The following ITGAV variants were observed in gnomAD, a reference collection of about 807,000 sequenced individuals.
ITGAV encodes the protein integrin alpha-V.
In ITGAV, 76 loss-of-function variants were observed where a neutral mutation model predicts 143.8. The ratio of observed to expected loss-of-function variants is 0.53; its 90% CI spans 0.44 to 0.64. ITGAV has a LOEUF of 0.64. Among genes scored for constraint, ITGAV ranks in the 30% least tolerant of loss-of-function variants. The pLI is 0.00. For missense variants in ITGAV, 1,193 were observed against 1,274.7 expected (o/e 0.94, Z 0.98); for synonymous variants, 453 against 446.7 (o/e 1.01, Z -0.18).
intron 13 of ITGAV, 58 bp from the exon 14 acceptor site, chr2:186,649,782 G>T: frequency 1.8e-6 from 2 of 1,129,796 alleles, no homozygotes; most frequent in Non-Finnish European, 1.3e-6. Context: ...TTATAGAATG[G>T]TATATACATT....
In ITGAV at chr2:186,665,116, TC is replaced by T. The variant is rs1688853937; in HGVS notation, c.2074-9del. ...TATCCATTTTTTTTTTTTTTTTTGGTCTATCAAAGGCCTTAGCAAGACTTTC... is the reference window on the plus strand; with the variant it reads ...TATCCATTTTTTTTTTTTTTTTTGGTTATCAAAGGCCTTAGCAAGACTTTC... On this transcript the variant is annotated splice_polypyrimidine_tract_variant and intron_variant, in intron 20 of 29. Transcript: ENST00000261023. The T allele has an allele frequency of 6.9e-7, 1 of 1,451,086 alleles. No homozygotes were observed. Among genetic ancestry groups the T allele is most frequent in the Admixed American group, 2.0e-5 (1 of 50,318 alleles). 89.9% of individuals were successfully genotyped at this position (1,451,086 alleles called of 1,614,324 possible).
chr2:186,638,156 A>C, intron 8 of ITGAV, 121 bp from the exon 9 acceptor site: 5 of 801,634 alleles, frequency 6.2e-6, no homozygotes, highest in Non-Finnish European at 1.0e-5. Flanking sequence ...ATTTTTCTAA[A>C]TTGATTGTTT....
intron 24 of ITGAV, 110 bp downstream of exon 24, chr2:186,667,886 A>C (rs1045571499): frequency 5.8e-6 from 3 of 520,570 alleles, no homozygotes; most frequent in Admixed American, 3.2e-5. Context: ...TAAACTCTAC[A>C]TTGGTTAAGT....
chr2:186,607,157 G>A (rs1465987137), intron 2 of ITGAV, among the ~76,000 whole-genome samples: 2 of 152,016 alleles, frequency 1.3e-5, no homozygotes, highest in South Asian at 2.1e-4. Flanking sequence ...GGGTGATCAC[G>A]AAGAGTATAA....
At position 186,667,180 on chromosome 2, in the gene ITGAV, T is replaced by A; in HGVS notation, c.2277T>A (p.Val759=). The change falls in exon 23 of 30, where the codon GTT becomes GTA. Residue 759 remains valine (V), a synonymous_variant. Transcript: ENST00000261023. ...ATCTATTTGACAAAGTAAGCCCAGT[T>A]GTATCTCACAAAGTTGATCTTGCTG... is the stretch of plus-strand genomic sequence containing the variant. The part of the protein sequence containing the change: ...SSNLFDKVSP[V]VSHKVDLAVL... The A allele has an allele frequency of 5.0e-6, 8 of 1,612,978 alleles. No homozygotes were observed. The highest frequency in any genetic ancestry group is 5.9e-6 in the Non-Finnish European group (7 of 1,179,340).
chr2:186,613,463 T>A (rs578224825), intron 2 of ITGAV, among the ~76,000 whole-genome samples: 1 of 152,296 alleles, frequency 6.6e-6, no homozygotes, highest in South Asian at 2.1e-4. Context: ...TTTTTGTTTA[T>A]TTTTGGGAAA....
At chr2:186,623,058 G>A (rs541653042) in intron 3 of ITGAV, among the ~76,000 whole-genome samples, 1 of 152,084 alleles carries the variant, frequency 6.6e-6, no homozygotes, top group African/African-American at 2.4e-5. Context: ...TGTTGAAGTG[G>A]AATACAGAAC....
intron 1 of ITGAV, among the ~76,000 whole-genome samples, chr2:186,598,116 G>T (rs1686796098): frequency 6.6e-6 from 1 of 151,974 alleles, no homozygotes; most frequent in African/African-American, 2.4e-5. Context: ...TCCCAAGCAA[G>T]CACTATTCAA....
At chr2:186,622,194 A>G (rs1049125164) in intron 2 of ITGAV, 145 bp from the exon 3 acceptor site, 16 of 601,030 alleles carry the variant, frequency 2.7e-5, no homozygotes, top group East Asian at 5.8e-5. Context: ...TCTAATGTAT[A>G]TAAACTGTAT....
chr2:186,648,326 C>T (rs561826444), intron 13 of ITGAV, among the ~76,000 whole-genome samples: 4 of 152,246 alleles, frequency 2.6e-5, no homozygotes, highest in Admixed American at 2.6e-4. Flanking sequence ...AGGTTTTTGT[C>T]AACTTTTTAA....
intron 26 of ITGAV, among the ~76,000 whole-genome samples, chr2:186,674,412 A>G (rs1689149238): frequency 6.6e-6 from 1 of 151,978 alleles, no homozygotes; most frequent in Non-Finnish European, 1.5e-5. Flanking sequence ...TTTAGCTTAA[A>G]TAGTTTTAAT....
intron 2 of ITGAV, among the ~76,000 whole-genome samples, chr2:186,616,309 C>T (rs1303594737): frequency 5.4e-5 from 7 of 130,590 alleles, no homozygotes; most frequent in Admixed American, 8.8e-5. Context: ...GACGGAGTCT[C>T]GCTCTGTCGC....
intron 18 of ITGAV, among the ~76,000 whole-genome samples, chr2:186,661,911 T>C (rs1011821693): frequency 7.2e-5 from 11 of 152,062 alleles, no homozygotes; most frequent in African/African-American, 2.7e-4. Flanking sequence ...ACATACTAAT[T>C]TCTTACTTTG....
At chr2:186,668,198 A>G (rs1334807467) in intron 24 of ITGAV, among the ~76,000 whole-genome samples, 14 of 13,526 alleles carry the variant, frequency 1.0e-3, no homozygotes, top group African/African-American at 2.9e-3. Flanking sequence ...ATATATATAT[A>G]TATATATATA....
At chr2:186,637,012 G>C (rs1167242381) in intron 7 of ITGAV, 53 bp from the exon 8 acceptor site, 5 of 1,460,094 alleles carry the variant, frequency 3.4e-6, no homozygotes, top group Non-Finnish European at 4.8e-6. Context: ...CAGCAAGCCT[G>C]CTGAAGATAA....
At chr2:186,668,197 TA>T (rs1261717803) in intron 24 of ITGAV, among the ~76,000 whole-genome samples, 3 of 18,146 alleles carry the variant, frequency 1.7e-4, no homozygotes, top group African/African-American at 3.5e-4. Context: ...TATATATATA[TA>T]TATATATATA....
intron 26 of ITGAV, 66 bp downstream of exon 26, chr2:186,669,880 A>G: frequency 9.6e-7 from 1 of 1,043,934 alleles, no homozygotes; most frequent in Non-Finnish European, 1.5e-6. Flanking sequence ...AACTGACGCC[A>G]AAGAACATTT....
In ITGAV at chr2:186,669,702, T is replaced by A; in HGVS notation, c.2594T>A (p.Ile865Asn). The change falls in exon 26 of 30, where the codon ATC (isoleucine) becomes AAC (asparagine). Residue 865 changes from isoleucine to asparagine, a missense_variant and splice_region_variant. Transcript: ENST00000261023. The part of the protein sequence containing the change: ...DMEINPLRIK[I>N]SSLQTTEKND... ...ATTTTATTAATGTGATTGCATTAGA[T>A]CTCATCTTTGCAAACAACTGAAAAG... is the stretch of plus-strand genomic sequence containing the variant. The A allele has an allele frequency of 6.2e-7, 1 of 1,607,994 alleles. No homozygotes were observed.
At chr2:186,610,890 C>G (rs1687197290) in intron 2 of ITGAV, among the ~76,000 whole-genome samples, 1 of 152,158 alleles carries the variant, frequency 6.6e-6, no homozygotes, top group African/African-American at 2.4e-5. Context: ...CTAGACTGCT[C>G]ATGTAGTCTG....
Sources: allele counts gnomAD v4.1 joint callset (sites outside exome capture counted in the v4.1 genomes callset), GRCh38; gene constraint gnomAD v4.1.1; transcripts MANE v1.5; gene names NCBI Gene and HGNC (gene_info 2026-07-23, HGNC 2026-07-21).